MYH7B: variants seen among roughly 807,000 people sequenced by gnomAD.
The protein encoded by MYH7B is myosin heavy chain 7B.
A neutral mutation model predicts 234.5 loss-of-function variants in MYH7B; 205 were observed. The ratio of observed to expected loss-of-function variants is 0.87; its 90% CI spans 0.78 to 0.98. The LOEUF (loss-of-function observed/expected upper bound fraction) is 0.98. MYH7B is among the 50% of genes least tolerant of loss of function. The probability of loss-of-function intolerance (pLI) is 0.00; values close to 1 mark genes in which losing one functional copy is unlikely to be tolerated. For synonymous variants in MYH7B, 1,193 were observed against 1,105.0 expected, an observed-to-expected ratio of 1.08 and a Z score of -1.58; for missense variants, 2,652 against 2,633.4, an observed-to-expected ratio of 1.01 and a Z score of -0.15.
chr20:34,988,129 A>C, exon 19 of MYH7B: 2 of 1,614,118 alleles, frequency 1.2e-6, no homozygotes, highest in Non-Finnish European at 1.7e-6. Context: ...AACTTCACCA[A>C]TGAGAAATTG....
chr20:34,983,807 C>A (rs980138891), intron 10 of MYH7B, among the ~76,000 whole-genome samples: 2 of 152,216 alleles, frequency 1.3e-5, no homozygotes, highest in African/African-American at 4.8e-5. Context: ...TCTTGGGCTC[C>A]CTGGAGGTGA....
exon 12 of MYH7B, chr20:34,984,859 C>A (rs752263635): frequency 6.2e-6 from 10 of 1,613,948 alleles, no homozygotes; most frequent in Non-Finnish European, 7.6e-6. Flanking sequence ...CCCAGGGCAC[C>A]CTTGAGGATC....
At position 34,989,749 on chromosome 20, in the gene MYH7B, A is replaced by G. The variant is rs1309416282; in HGVS notation, c.1597A>G (p.Ile533Val). 4 of 1,613,778 alleles carry G rather than the reference A, an allele frequency of 2.5e-6. No individual in the cohort carries two copies. In the African/African-American group the frequency reaches 5.3e-5, roughly 22 times the overall value. ...CTCGTTCTGTTCCCAGCCACTGGGCATCCTGTCCATCCTGGAGGAGGAATG... is the reference window on the plus strand; with the variant it reads ...CTCGTTCTGTTCCCAGCCACTGGGCGTCCTGTCCATCCTGGAGGAGGAATG... Residue 533 changes from isoleucine to valine, a missense_variant, in exon 20 of 45, where the codon ATC (isoleucine) becomes GTC (valine). Around this residue, in one of 3 missense-constraint regions of MYH7B, gnomAD observed 2,279 missense variants for 2,211.4 expected, o/e 1.03. Transcript: ENST00000262873.
chr20:35,000,042 C>T (rs1368470614), intron 38 of MYH7B, 136 bp downstream of exon 38: 13 of 955,482 alleles, frequency 1.4e-5, no homozygotes, highest in South Asian at 4.6e-5. Flanking sequence ...CTGTGAACCT[C>T]GGAGATGCTA....
chr20:34,962,461 G>A lies in MYH7B; in HGVS notation c.-222+4249G>A, dbSNP rs548548385. ...CTGTATCTGTGGGGAATTGGTTCCA[G>A]GACCTCCCATGGATACCAACATCCA... is the stretch of plus-strand genomic sequence containing the variant. On this transcript the variant is annotated intron_variant, in intron 2 of 44. Transcript: ENST00000262873. Among the ~76,000 whole-genome samples, 11 of 152,158 alleles carry A rather than the reference G, an allele frequency of 7.2e-5. No individual in the cohort carries two copies. The South Asian group carries it at 1.0e-3, about 14-fold the overall frequency.
chr20:34,979,492 A>G (rs2081907204), exon 6 of MYH7B: 1 of 1,612,160 alleles, frequency 6.2e-7, no homozygotes, highest in South Asian at 1.1e-5. Flanking sequence ...ACCAAAGACC[A>G]GAAGGTTCCG....
At chr20:34,990,645 G>A in intron 22 of MYH7B, 93 bp from the exon 23 acceptor site, 2 of 1,171,680 alleles carry the variant, frequency 1.7e-6, no homozygotes, top group Non-Finnish European at 2.5e-6. Flanking sequence ...GGGCACTTAG[G>A]GCCCTGCTCC....
chr20:34,999,769 C>A (rs570303422), intron 37 of MYH7B, 22 bp from the exon 38 acceptor site: 4 of 1,268,906 alleles, frequency 3.2e-6, no homozygotes, highest in Admixed American at 1.8e-5. Context: ...CCCACCCTAC[C>A]CTGCCTGCTC....
At chr20:34,993,409 C>T in exon 26 of MYH7B, 1 of 1,612,742 alleles carries the variant, frequency 6.2e-7, no homozygotes, top group Non-Finnish European at 8.5e-7. Context: ...GCTGACGCTG[C>T]TGCAGGCGCG....
In MYH7B at chr20:34,994,155, G is replaced by T. The variant is rs574268898; in HGVS notation, c.2454G>T (p.Leu818=). The change falls in exon 27 of 45, where the codon CTG becomes CTT. Residue 818 remains leucine, a synonymous_variant. Transcript: ENST00000262873. ...GGCTGCCCCTCCCTAGGGATGCGCT[G>T]TTCACCATCCAGTGGAACATCCGTG... 5 of 1,613,044 alleles carry T rather than the reference G, an allele frequency of 3.1e-6. No individual in the cohort carries two copies. The South Asian group carries it at 4.4e-5, about 14-fold the overall frequency.
chr20:34,981,031 A>C lies in MYH7B; in HGVS notation c.500-2A>C, dbSNP rs1269353547. ...TTCTCTATCCCCTTCCCTTTCCTCC[A>C]GACCGAGACAACCAGTCCATGCTGA... On this transcript the variant is annotated splice_acceptor_variant, in intron 8 of 44. Transcript: ENST00000262873. LOFTEE classifies it high-confidence loss of function. 6.2e-7 allele frequency: 1 copy of C among 1,613,978 alleles called. No individual in the cohort carries two copies. The highest frequency in any genetic ancestry group is 8.5e-7 in the Non-Finnish European group (1 of 1,179,958).
chr20:34,985,768 C>T (rs1012827494), intron 13 of MYH7B, among the ~76,000 whole-genome samples: 1 of 151,986 alleles, frequency 6.6e-6, no homozygotes, highest in Non-Finnish European at 1.5e-5. Context: ...TACACAGACA[C>T]ACACAGACAC....
At chr20:34,978,197 C>A in intron 5 of MYH7B, 101 bp downstream of exon 5, 1 of 1,407,886 alleles carries the variant, frequency 7.1e-7, no homozygotes, top group Non-Finnish European at 9.8e-7. Context: ...GCTGAAGGGG[C>A]ATTGGGGCCT....
chr20:34,971,578 G>A (rs541511846), intron 2 of MYH7B, among the ~76,000 whole-genome samples: 5 of 152,134 alleles, frequency 3.3e-5, no homozygotes, highest in Non-Finnish European at 7.4e-5. Flanking sequence ...GGGACAAGCA[G>A]GGGCCCAACC....
At position 34,990,719 on chromosome 20, in the gene MYH7B, C is replaced by T; in HGVS notation, c.1978-19C>T. Reference sequence around the variant, plus strand: ...CTCTGCCCCCTTTGTGCCTTTCCCTCACTCTTCCCCACTGCCAGGAGAACC... The same window carrying T: ...CTCTGCCCCCTTTGTGCCTTTCCCTTACTCTTCCCCACTGCCAGGAGAACC... On this transcript the variant is annotated intron_variant, in intron 22 of 44. Coordinates refer to ENST00000262873, the Ensembl canonical transcript of MYH7B. 2 of 1,613,216 alleles carry T rather than the reference C, an allele frequency of 1.2e-6. No homozygotes were observed. The highest frequency in any genetic ancestry group is 1.7e-6 in the Non-Finnish European group (2 of 1,179,192).
exon 35 of MYH7B, chr20:34,998,769 C>T (rs761620593): frequency 1.2e-5 from 20 of 1,612,824 alleles, no homozygotes; most frequent in African/African-American, 5.3e-5. Context: ...ACGACTGTGA[C>T]CTCCTGCGGG....
In MYH7B at chr20:34,999,784, T is replaced by C; in HGVS notation, c.4666-7T>C. The C allele has an allele frequency of 9.0e-7, 1 of 1,108,880 alleles. No homozygotes were observed. The highest frequency in any genetic ancestry group is 1.2e-6 in the Non-Finnish European group (1 of 801,820). 68.7% of individuals were successfully genotyped at this position (1,108,880 alleles called of 1,614,324 possible). A position where few individuals can be genotyped will look rare whatever the true frequency, so the allele number is the denominator to read the frequency against. On this transcript the variant is annotated splice_region_variant and splice_polypyrimidine_tract_variant and intron_variant, in intron 37 of 44. Transcript: ENST00000262873. Reference sequence around the variant, plus strand: ...CCCACCCTACCCTGCCTGCTCTGTATCCACAGGGGGCCCTGGAGCTGGAGG... The same window carrying C: ...CCCACCCTACCCTGCCTGCTCTGTACCCACAGGGGGCCCTGGAGCTGGAGG...
intron 2 of MYH7B, among the ~76,000 whole-genome samples, chr20:34,973,293 C>T (rs539380364): frequency 6.6e-6 from 1 of 152,356 alleles, no homozygotes; most frequent in African/African-American, 2.4e-5. Context: ...TTTTATCCTT[C>T]AGACTCCTCC....
At chr20:34,990,638 C>T (rs1333132346) in intron 22 of MYH7B, 100 bp from the exon 23 acceptor site, 3 of 1,075,030 alleles carry the variant, frequency 2.8e-6, no homozygotes, top group African/African-American at 1.6e-5. Context: ...AAGTGCAGGG[C>T]ACTTAGGGCC....
Sources: allele counts gnomAD v4.1 joint callset (sites outside exome capture counted in the v4.1 genomes callset), GRCh38; gene constraint gnomAD v4.1.1; regional missense constraint gnomAD v4.1.1; transcripts MANE v1.5; gene names NCBI Gene and HGNC (gene_info 2026-07-23, HGNC 2026-07-21).